Variants in IGF1R observed in about 807,000 individuals in gnomAD.
The protein encoded by IGF1R is insulin like growth factor 1 receptor, also known as insulin-like growth factor 1 receptor.
In IGF1R, 44 loss-of-function variants were observed where a neutral mutation model predicts 144.6. The ratio of observed to expected loss-of-function variants is 0.30; its 90% CI spans 0.24 to 0.39. The LOEUF (loss-of-function observed/expected upper bound fraction) is 0.39. Ranked by LOEUF, IGF1R falls within the 10% of genes least tolerant of loss-of-function variation. The pLI, the probability that IGF1R is intolerant of heterozygous loss-of-function variation, is 1.00. For synonymous variants in IGF1R, 795 were observed against 722.8 expected (o/e 1.10, Z -1.60); for missense variants, 1,355 against 1,833.7 (o/e 0.74, Z 4.77).
intron 2 of IGF1R, among the ~76,000 whole-genome samples, chr15:98,814,375 G>T (rs945702688): frequency 6.6e-6 from 1 of 152,266 alleles, no homozygotes; most frequent in East Asian, 1.9e-4. Context: ...TATAGCCACA[G>T]GGTCTTGCTC....
intron 19 of IGF1R, among the ~76,000 whole-genome samples, chr15:98,946,668 G>A (rs2016565794): frequency 6.6e-6 from 1 of 152,202 alleles, no homozygotes; most frequent in Non-Finnish European, 1.5e-5. Context: ...GAAGCCGGGG[G>A]AAGAACAGGG....
At chr15:98,712,277 C>A (rs1047424424) in intron 2 of IGF1R, among the ~76,000 whole-genome samples, 1 of 152,176 alleles carries the variant, frequency 6.6e-6, no homozygotes, top group African/African-American at 2.4e-5. Context: ...CCCTTTTGAA[C>A]CCAGGACTTG....
At chr15:98,675,533 C>T (rs1177153358) in intron 1 of IGF1R, among the ~76,000 whole-genome samples, 1 of 152,164 alleles carries the variant, frequency 6.6e-6, no homozygotes, top group Non-Finnish European at 1.5e-5. Context: ...CTAAATTGAG[C>T]TTTGCAATTT....
intron 2 of IGF1R, among the ~76,000 whole-genome samples, chr15:98,839,807 A>G (rs776836180): frequency 2.0e-5 from 3 of 152,190 alleles, no homozygotes; most frequent in Non-Finnish European, 4.4e-5. Flanking sequence ...TCCTCCATAG[A>G]TGCCAAGTCA....
At chr15:98,801,818 A>T (rs940322880) in intron 2 of IGF1R, among the ~76,000 whole-genome samples, 1 of 151,976 alleles carries the variant, frequency 6.6e-6, no homozygotes, top group African/African-American at 2.4e-5. Context: ...AAACAGGATG[A>T]CTCCCAGCCC....
At chr15:98,909,044 C>A in intron 6 of IGF1R, 145 bp downstream of exon 6, 1 of 736,158 alleles carries the variant, frequency 1.4e-6, no homozygotes, top group South Asian at 1.5e-5. Context: ...GCACTTTGCT[C>A]CTACTTATAT....
chr15:98,902,059 A>G (rs915535445), intron 5 of IGF1R, among the ~76,000 whole-genome samples: 6 of 152,168 alleles, frequency 3.9e-5, no homozygotes, highest in Non-Finnish European at 5.9e-5. Context: ...TTTTGGTTTA[A>G]GCCAAGATAG....
rs111563582 is a variant in IGF1R at position 98,962,878 on chromosome 15, C to T, written c.*5436C>T. The T allele has an allele frequency of 0.024, 5,536 of 233,698 alleles. 94 individuals carry two copies. The highest frequency in any genetic ancestry group is 0.036 in the Non-Finnish European group (4,305 of 118,046). 14.5% of individuals were successfully genotyped at this position (233,698 alleles called of 1,614,324 possible). On this transcript the variant is annotated 3_prime_UTR_variant, in exon 21 of 21. Coordinates refer to ENST00000650285, the MANE Select transcript of IGF1R (RefSeq NM_000875.5). ...TCAAGAACACAAACTACATCGCACT[C>T]GTCAGTTGTCAGTTCTGGGGCATGA... is the stretch of plus-strand genomic sequence containing the variant.
At chr15:98,696,333 CAG>C (rs1310309900) in intron 1 of IGF1R, among the ~76,000 whole-genome samples, 10 of 152,166 alleles carry the variant, frequency 6.6e-5, no homozygotes, top group Admixed American at 6.5e-4. Context: ...CTACAGTACT[CAG>C]AAAGAGACCT....
At chr15:98,852,309 AC>A (rs34208157) in intron 2 of IGF1R, among the ~76,000 whole-genome samples, 1 of 151,376 alleles carries the variant, frequency 6.6e-6, no homozygotes, top group Non-Finnish European at 1.5e-5. Flanking sequence ...CGCGCGCCCC[AC>A]CCCGCCCCGG....
chr15:98,853,324 G>A (rs2011619354), intron 2 of IGF1R, among the ~76,000 whole-genome samples: 1 of 152,150 alleles, frequency 6.6e-6, no homozygotes, highest in Non-Finnish European at 1.5e-5. Flanking sequence ...AGTGTGATAG[G>A]GGCGTAGTGG....
rs1343770235 is a variant in IGF1R at position 98,737,574 on chromosome 15, T to C, written c.640+29467T>C. On this transcript the variant is annotated intron_variant, in intron 2 of 20. Transcript: ENST00000650285. ...AATTGTTCTCAGGTATGTTTCTCAA[T>C]TGGAATTTTTTTAAAAATTTAATTT... 2.6e-5 allele frequency among the ~76,000 whole-genome samples: 4 copies of C among 152,216 alleles called. No individual in the cohort carries two copies. The East Asian group carries it at 7.7e-4, about 29-fold the overall frequency.
intron 5 of IGF1R, among the ~76,000 whole-genome samples, chr15:98,905,684 AC>A (rs1310547232): frequency 2.0e-5 from 3 of 151,706 alleles, no homozygotes; most frequent in African/African-American, 7.3e-5. Context: ...AAAAAAAAAA[AC>A]CTAATTTTTA....
chr15:98,792,501 T>G (rs555228397), intron 2 of IGF1R, among the ~76,000 whole-genome samples: 1 of 152,304 alleles, frequency 6.6e-6, no homozygotes, highest in African/African-American at 2.4e-5. Flanking sequence ...AAAGAAGCTT[T>G]TAAAATCAAA....
At chr15:98,803,662 TG>T (rs1189758319) in intron 2 of IGF1R, among the ~76,000 whole-genome samples, 2 of 151,992 alleles carry the variant, frequency 1.3e-5, no homozygotes, top group Non-Finnish European at 2.9e-5. Context: ...CACACCACCA[TG>T]GCTGACTAAT....
intron 8 of IGF1R, among the ~76,000 whole-genome samples, chr15:98,914,060 G>GT: frequency 6.6e-6 from 1 of 152,306 alleles, no homozygotes; most frequent in East Asian, 1.9e-4. Context: ...TTGGTGTCTG[G>GT]TGAGGGCCCA....
chr15:98,731,258 A>G lies in IGF1R; in HGVS notation c.640+23151A>G, dbSNP rs188979015. Among the ~76,000 whole-genome samples the G allele has an allele frequency of 1.6e-4, 24 of 152,328 alleles. 1 individual carries two copies. The highest frequency in any genetic ancestry group is 5.8e-4 in the African/African-American group (24 of 41,572). ...CATGGGATGTGTGAATCCTTTCTTC[A>G]GTGTTATAGTTAATAGCAACTGAAG... On this transcript the variant is annotated intron_variant, in intron 2 of 20. Coordinates refer to ENST00000650285, the MANE Select transcript of IGF1R (RefSeq NM_000875.5).
rs546770920 is a variant in IGF1R at position 98,765,018 on chromosome 15, A to G, written c.640+56911A>G. 1.2e-4 allele frequency among the ~76,000 whole-genome samples: 19 copies of G among 152,262 alleles called. No individual in the cohort carries two copies. The South Asian group carries it at 2.1e-3, about 17-fold the overall frequency. On this transcript the variant is annotated intron_variant, in intron 2 of 20. Coordinates refer to ENST00000650285, the MANE Select transcript of IGF1R (RefSeq NM_000875.5). Reference sequence around the variant, plus strand: ...AACCACCAGTCTGCATTCTGTTTCTATGGATTCACCTATTTTGCATAGTGC... The same window carrying G: ...AACCACCAGTCTGCATTCTGTTTCTGTGGATTCACCTATTTTGCATAGTGC...
intron 2 of IGF1R, among the ~76,000 whole-genome samples, chr15:98,844,326 G>T (rs76306468): frequency 0.015 from 2,317 of 152,260 alleles, 23 homozygotes; most frequent in Non-Finnish European, 0.023. Context: ...TAAACAAATT[G>T]TCACAATTTA....
Sources: gnomAD v4.1 joint callset for allele counts (sites outside exome capture counted in the v4.1 genomes callset) on GRCh38, gnomAD v4.1.1 for gene constraint, MANE v1.5 for transcripts, NCBI Gene and HGNC (gene_info 2026-07-23, HGNC 2026-07-21) for gene names.